Variants in FIG4 observed in about 807,000 individuals in gnomAD.
The protein encoded by FIG4 is FIG4 phosphoinositide 5-phosphatase.
In FIG4, 112 loss-of-function variants were observed where a neutral mutation model predicts 118.6. The observed-to-expected ratio is 0.94, with a 90% confidence interval of 0.81 to 1.11. The LOEUF (loss-of-function observed/expected upper bound fraction) is 1.11. Among genes scored for constraint, FIG4 ranks in the 50% least tolerant of loss-of-function variants. The probability of loss-of-function intolerance (pLI) is 0.00; values close to 1 mark genes in which losing one functional copy is unlikely to be tolerated. For missense variants in FIG4, 969 were observed against 1,111.7 expected, an observed-to-expected ratio of 0.87 and a Z score of 1.83; for synonymous variants, 369 against 381.2, an observed-to-expected ratio of 0.97 and a Z score of 0.37.
chr6:109,786,906 T>C (rs1777975901), intron 18 of FIG4, among the ~76,000 whole-genome samples: 1 of 152,034 alleles, frequency 6.6e-6, no homozygotes. Context: ...TCTTTCTCTC[T>C]CCCCCACACA....
chr6:109,755,093 T>G (rs1490637078), intron 10 of FIG4, among the ~76,000 whole-genome samples: 1 of 152,230 alleles, frequency 6.6e-6, no homozygotes, highest in Non-Finnish European at 1.5e-5. Context: ...AATTTCACTC[T>G]GCACACTGCT....
At chr6:109,739,217 G>A (rs1447551973) in intron 7 of FIG4, among the ~76,000 whole-genome samples, 2 of 148,290 alleles carry the variant, frequency 1.3e-5, no homozygotes, top group African/African-American at 2.6e-5. Flanking sequence ...TCAGCTTTGG[G>A]TTAAGCTGAT....
At chr6:109,735,389 C>A in intron 6 of FIG4, 91 bp downstream of exon 6, 2 of 1,260,096 alleles carry the variant, frequency 1.6e-6, no homozygotes, top group Non-Finnish European at 2.3e-6. Context: ...TCATATTTGT[C>A]CATCCCTCTT....
At chr6:109,803,223 G>A (rs58417621) in intron 22 of FIG4, among the ~76,000 whole-genome samples, 8,721 of 152,284 alleles carry the variant, frequency 0.057, 849 homozygotes, top group African/African-American at 0.2. Context: ...AGTGTGGAGA[G>A]TGGATTAGAG....
intron 22 of FIG4, among the ~76,000 whole-genome samples, chr6:109,799,387 T>C (rs1005978098): frequency 1.3e-5 from 2 of 152,244 alleles, no homozygotes; most frequent in Non-Finnish European, 2.9e-5. Flanking sequence ...CACGCACGTG[T>C]GCACAGGGAC....
chr6:109,738,566 A>G, intron 7 of FIG4, 113 bp downstream of exon 7: 1 of 991,260 alleles, frequency 1.0e-6, no homozygotes, highest in East Asian at 2.5e-5. Context: ...GCACCCCAAC[A>G]GGAAAACCTG....
chr6:109,714,330 A>G (rs1466021968), intron 1 of FIG4, among the ~76,000 whole-genome samples: 1 of 151,890 alleles, frequency 6.6e-6, no homozygotes, highest in Non-Finnish European at 1.5e-5. Flanking sequence ...TCTTCCCTCC[A>G]CCACTCTCAG....
chr6:109,721,133 G>A (rs1188846815), intron 3 of FIG4, among the ~76,000 whole-genome samples: 1 of 152,102 alleles, frequency 6.6e-6, no homozygotes, highest in Non-Finnish European at 1.5e-5. Context: ...TATCAATACG[G>A]TACACTGTGA....
chr6:109,691,895 G>T (rs1243676718), intron 1 of FIG4, among the ~76,000 whole-genome samples: 1 of 152,158 alleles, frequency 6.6e-6, no homozygotes, highest in Non-Finnish European at 1.5e-5. Context: ...TTTGAACTAT[G>T]ACTTGTAACT....
At chr6:109,816,045 C>A (rs1418946730) in intron 22 of FIG4, among the ~76,000 whole-genome samples, 1 of 151,924 alleles carries the variant, frequency 6.6e-6, no homozygotes, top group Non-Finnish European at 1.5e-5. Context: ...AATCCAAGGC[C>A]CCATTGCTAG....
In FIG4 at chr6:109,753,411, G is replaced by C. The variant is rs371207200; in HGVS notation, c.1138-6839G>C. Among the ~76,000 whole-genome samples, 1,435 of 151,766 alleles carry C rather than the reference G, an allele frequency of 9.5e-3. 25 individuals are homozygous for C. The highest frequency in any genetic ancestry group is 0.033 in the African/African-American group (1,364 of 41,344). ...AGCTTTGTTCTTTTGGCTTAGGATT[G>C]ACTTGGTGATGCGGGCTCTTTTTTG... On this transcript the variant is annotated intron_variant, in intron 10 of 22. Transcript: ENST00000230124.
At chr6:109,806,426 G>A (rs962717253) in intron 22 of FIG4, among the ~76,000 whole-genome samples, 2 of 152,134 alleles carry the variant, frequency 1.3e-5, no homozygotes, top group East Asian at 1.9e-4. Context: ...GTGTGGAGAG[G>A]TGCAAGATGG....
Position 109,744,324 on chromosome 6 carries a change from A to C in FIG4, c.1137+552A>C, listed in dbSNP as rs150673725. 4.6e-3 allele frequency among the ~76,000 whole-genome samples: 697 copies of C among 152,246 alleles called. 3 individuals are homozygous for C. Among genetic ancestry groups the C allele is most frequent in the African/African-American group, 0.015 (610 of 41,566 alleles). ...CCTGCTTTCTTGGCAGAGTACACTG[A>C]CTGGTCAGCATATCTATCTATATGA... On this transcript the variant is annotated intron_variant, in intron 10 of 22. Coordinates refer to ENST00000230124, the MANE Select transcript of FIG4 (RefSeq NM_014845.6).
chr6:109,785,322 C>T (rs991964216), intron 17 of FIG4, among the ~76,000 whole-genome samples: 1 of 152,010 alleles, frequency 6.6e-6, no homozygotes, highest in Non-Finnish European at 1.5e-5. Flanking sequence ...TATATCGGCT[C>T]ATCACTTTAA....
Position 109,825,119 on chromosome 6 carries a change from A to G in FIG4, c.2578A>G (p.Ile860Val). 1.2e-6 allele frequency: 2 copies of G among 1,614,006 alleles called. No individual in the cohort carries two copies. Among genetic ancestry groups the G allele is most frequent in the East Asian group, 2.2e-5 (1 of 44,880 alleles). ...TPISAFSQDN[I>V]YEVQPPRVDR... ...CATCTCGGCTTTCTCGCAAGATAAC[A>G]TCTATGAAGTTCAGCCCCCAAGAGT... The change falls in exon 23 of 23, where the codon ATC becomes GTC. Residue 860 changes from isoleucine (I) to valine (V), a missense_variant. This residue lies in a region of FIG4 where 330 missense variants were observed against 348.1 expected (regional missense o/e 0.95). Coordinates refer to ENST00000230124, the MANE Select transcript of FIG4 (RefSeq NM_014845.6).
At chr6:109,777,994 A>C (rs543173668) in intron 16 of FIG4, among the ~76,000 whole-genome samples, 4 of 152,292 alleles carry the variant, frequency 2.6e-5, no homozygotes, top group African/African-American at 9.6e-5. Flanking sequence ...TTTTTAACTG[A>C]GGAGTCATGT....
intron 21 of FIG4, among the ~76,000 whole-genome samples, chr6:109,793,485 TAGATTTAGC>T (rs1255401362): frequency 4.6e-5 from 7 of 152,202 alleles, no homozygotes; most frequent in Admixed American, 4.6e-4. Context: ...TTTGAGAAGA[TAGATTTAGC>T]AGATTCTCAA....
intron 21 of FIG4, 89 bp downstream of exon 21, chr6:109,792,753 T>G: frequency 1.3e-6 from 1 of 750,142 alleles, no homozygotes; most frequent in Non-Finnish European, 2.2e-6. Flanking sequence ...TTTTTTTTTT[T>G]TTGGAGACAA....
At chr6:109,708,403 A>G (rs891952220) in intron 1 of FIG4, among the ~76,000 whole-genome samples, 3 of 152,148 alleles carry the variant, frequency 2.0e-5, no homozygotes, top group Admixed American at 6.5e-5. Context: ...TGTCTTTGCT[A>G]TTGTGAACAG....
Sources: allele counts gnomAD v4.1 joint callset (sites outside exome capture counted in the v4.1 genomes callset), GRCh38; gene constraint gnomAD v4.1.1; regional missense constraint gnomAD v4.1.1; transcripts MANE v1.5; gene names NCBI Gene and HGNC (gene_info 2026-07-23, HGNC 2026-07-21).